Variants in IARS1 observed in about 807,000 individuals in gnomAD.
IARS1 encodes the protein isoleucine--tRNA ligase, cytoplasmic.
Under a neutral mutation model 168.2 loss-of-function variants are expected in IARS1, and 124 were observed. The ratio of observed to expected loss-of-function variants is 0.74; its 90% CI spans 0.64 to 0.86. The LOEUF (loss-of-function observed/expected upper bound fraction) is 0.86, where lower values mean the gene tolerates loss of function less well. Among genes scored for constraint, IARS1 ranks in the 40% least tolerant of loss-of-function variants. The probability of loss-of-function intolerance (pLI) is 0.00; values close to 1 mark genes in which losing one functional copy is unlikely to be tolerated. For missense variants in IARS1, 1,452 were observed against 1,515.8 expected (o/e 0.96, Z 0.70); for synonymous variants, 532 against 529.4 (o/e 1.00, Z -0.07).
chr9:92,285,605 G>T, intron 6 of IARS1, 117 bp downstream of exon 6: 1 of 647,112 alleles, frequency 1.5e-6, no homozygotes, highest in East Asian at 2.6e-5. Context: ...TCAAAGTGGT[G>T]GATGTCGTGG....
chr9:92,253,501 C>T lies in IARS1; in HGVS notation c.2138-48G>A. On this transcript the variant is annotated intron_variant, in intron 20 of 33. Transcript: ENST00000443024. Reference sequence around the variant, plus strand: ...AGGCAGCAAGTGGGTTACCAGGCATCTGGGGTGGGGAGAGGGTTGGATACA... The same window carrying T: ...AGGCAGCAAGTGGGTTACCAGGCATTTGGGGTGGGGAGAGGGTTGGATACA... 3 of 1,239,844 alleles carry T rather than the reference C, an allele frequency of 2.4e-6. No homozygotes were observed. The African/African-American group carries it at 4.4e-5, about 18-fold the overall frequency. 76.8% of individuals were successfully genotyped at this position (1,239,844 alleles called of 1,614,324 possible).
rs1421112763 is a variant in IARS1, at chr9:92,210,827, G to T, written c.3769C>A (p.Pro1257Thr). ...NMKTVYVSVL[P>T]TTADF Reference sequence around the variant, plus strand: ...ACATGCTAGAAGTCTGCTGTTGTTGGTAACACAGAAACATACACAGTCTTC... The same window carrying T: ...ACATGCTAGAAGTCTGCTGTTGTTGTTAACACAGAAACATACACAGTCTTC... Residue 1257 changes from proline (P) to threonine (T), a missense_variant, in exon 34 of 34, where the codon CCA becomes ACA. By Grantham distance (38) the Pro-to-Thr change is conservative. Transcript: ENST00000443024. 19 of 1,609,960 alleles carry T rather than the reference G, an allele frequency of 1.2e-5. No individual in the cohort carries two copies. Among genetic ancestry groups the T allele is most frequent in the Non-Finnish European group, 1.6e-5 (19 of 1,176,244 alleles).
In IARS1 at chr9:92,258,844, C is replaced by T. The variant is rs1831109518; in HGVS notation, c.2016+10G>A. ...CGGCAGGTACATGTGCAGCCCCCTA[C>T]AGCCCATACCTTCTGGAGCCTCAGA... On this transcript the variant is annotated intron_variant, in intron 19 of 33. Transcript: ENST00000443024. 3.8e-6 allele frequency: 6 copies of T among 1,597,336 alleles called. No individual in the cohort carries two copies. Among genetic ancestry groups the T allele is most frequent in the South Asian group, 1.1e-5 (1 of 88,108 alleles).
chr9:92,276,656 A>C (rs1198422989), intron 9 of IARS1, among the ~76,000 whole-genome samples: 1 of 152,216 alleles, frequency 6.6e-6, no homozygotes, highest in Non-Finnish European at 1.5e-5. Context: ...CACGGAACAG[A>C]AACAACTGAG....
intron 26 of IARS1, among the ~76,000 whole-genome samples, chr9:92,246,547 C>A (rs987003779): frequency 2.0e-5 from 3 of 152,200 alleles, no homozygotes; most frequent in African/African-American, 7.2e-5. Context: ...TGTTACCCTA[C>A]ACCTTCCCTT....
chr9:92,279,944 C>A (rs1189886252), intron 7 of IARS1, among the ~76,000 whole-genome samples: 1 of 152,164 alleles, frequency 6.6e-6, no homozygotes, highest in East Asian at 1.9e-4. Context: ...CCTCCAGGTT[C>A]ATTCAAGGCA....
chr9:92,240,995 T>C, intron 29 of IARS1, 34 bp from the exon 30 acceptor site: 1 of 1,304,790 alleles, frequency 7.7e-7, no homozygotes, highest in Non-Finnish European at 1.1e-6. Flanking sequence ...TGAGTAACTG[T>C]GGCACCTGAC....
At chr9:92,245,189 CAAG>C in intron 26 of IARS1, 118 bp from the exon 27 acceptor site, 1 of 764,466 alleles carries the variant, frequency 1.3e-6, no homozygotes, top group Admixed American at 2.2e-5. Flanking sequence ...ACAGAGGCTT[CAAG>C]AGATCATTTC....
At chr9:92,289,227 A>AAT in intron 2 of IARS1, 74 bp downstream of exon 2, 1 of 609,312 alleles carries the variant, frequency 1.6e-6, no homozygotes, top group Non-Finnish European at 2.9e-6. Context: ...AAAAAAAAAA[A>AAT]GTATCTGCTT....
intron 33 of IARS1, among the ~76,000 whole-genome samples, chr9:92,211,570 G>A (rs1303560021): frequency 3.3e-5 from 5 of 152,146 alleles, no homozygotes; most frequent in African/African-American, 1.2e-4. Flanking sequence ...CCTTGCAGGT[G>A]GAGTTAGATA....
intron 26 of IARS1, among the ~76,000 whole-genome samples, chr9:92,246,028 G>A (rs1056400726): frequency 2.6e-5 from 4 of 152,118 alleles, no homozygotes; most frequent in East Asian, 1.9e-4. Context: ...TGCCCGCCTC[G>A]GCCTCCCAAA....
intron 33 of IARS1, among the ~76,000 whole-genome samples, chr9:92,220,940 C>A (rs535595624): frequency 6.6e-6 from 1 of 151,858 alleles, no homozygotes; most frequent in Admixed American, 6.6e-5. Flanking sequence ...CTGCAGCCTG[C>A]GTGACAGAAC....
chr9:92,271,975 T>C (rs1833106357), intron 10 of IARS1, among the ~76,000 whole-genome samples: 1 of 152,216 alleles, frequency 6.6e-6, no homozygotes, highest in South Asian at 2.1e-4. Flanking sequence ...CAATAAAGAA[T>C]GGCTACTCCA....
chr9:92,229,765 A>G (rs577391440), intron 30 of IARS1, among the ~76,000 whole-genome samples: 1 of 152,294 alleles, frequency 6.6e-6, no homozygotes, highest in African/African-American at 2.4e-5. Context: ...CAACCAGCAT[A>G]TTGACACTGA....
At chr9:92,218,427 C>A (rs1279631407) in intron 33 of IARS1, among the ~76,000 whole-genome samples, 1 of 113,734 alleles carries the variant, frequency 8.8e-6, no homozygotes, top group Non-Finnish European at 1.7e-5. Flanking sequence ...CTGGCCAGGG[C>A]AATTAGGCAG....
At chr9:92,229,309 G>T (rs1826265693) in intron 30 of IARS1, among the ~76,000 whole-genome samples, 183 bp from the exon 31 acceptor site, 1 of 149,464 alleles carries the variant, frequency 6.7e-6, no homozygotes, top group East Asian at 2.0e-4. Context: ...ACCAAGGATG[G>T]ATATATATAC....
At chr9:92,258,457 A>G (rs781430311) in intron 19 of IARS1, among the ~76,000 whole-genome samples, 1 of 152,136 alleles carries the variant, frequency 6.6e-6, no homozygotes, top group Non-Finnish European at 1.5e-5. Context: ...TTAGCCAGGC[A>G]TGGTGGTGGG....
chr9:92,220,218 T>C (rs1283770448), intron 33 of IARS1, among the ~76,000 whole-genome samples: 1 of 140,052 alleles, frequency 7.1e-6, no homozygotes, highest in African/African-American at 2.7e-5. Context: ...AAATGAACAA[T>C]GAGATCACAT....
chr9:92,231,412 TTC>T (rs1826664227), intron 30 of IARS1, among the ~76,000 whole-genome samples: 2 of 151,310 alleles, frequency 1.3e-5, no homozygotes, highest in Non-Finnish European at 2.9e-5. Flanking sequence ...TGTTATTTTT[TTC>T]TTTTTTTTTT....
Sources: allele counts gnomAD v4.1 joint callset (sites outside exome capture counted in the v4.1 genomes callset), GRCh38; gene constraint gnomAD v4.1.1; transcripts MANE v1.5; gene names NCBI Gene and HGNC (gene_info 2026-07-23, HGNC 2026-07-21).